Variants in PPP2R2B observed in about 807,000 individuals in gnomAD.
PPP2R2B encodes protein phosphatase 2 regulatory subunit Bbeta, also known as serine/threonine-protein phosphatase 2A 55 kDa regulatory subunit B beta isoform.
A neutral mutation model predicts 46.0 loss-of-function variants in PPP2R2B; 5 were observed. The ratio of observed to expected loss-of-function variants is 0.11; its 90% confidence interval spans 0.06 to 0.23. The LOEUF (loss-of-function observed/expected upper bound fraction) is 0.23. Ranked by LOEUF, PPP2R2B falls within the 10% of genes least tolerant of loss-of-function variation. The pLI is 1.00. For synonymous variants in PPP2R2B, 215 were observed against 206.7 expected, an observed-to-expected ratio of 1.04 and a Z score of -0.34; for missense variants, 367 against 575.0, an observed-to-expected ratio of 0.64 and a Z score of 3.70.
intron 5 of PPP2R2B, among the ~76,000 whole-genome samples, chr5:146,670,638 T>C (rs1344936502): frequency 6.6e-6 from 1 of 152,024 alleles, no homozygotes; most frequent in African/African-American, 2.4e-5. Context: ...TGGGACTACA[T>C]GCATGTGCCA....
intron 5 of PPP2R2B, among the ~76,000 whole-genome samples, chr5:146,680,279 G>A (rs1359500582): frequency 8.1e-5 from 12 of 149,034 alleles, no homozygotes; most frequent in Admixed American, 2.0e-4. Context: ...ATCATTCTCA[G>A]TAAACTATCG....
intron 1 of PPP2R2B, among the ~76,000 whole-genome samples, chr5:147,012,989 T>C (rs1015650331): frequency 2.6e-5 from 4 of 151,720 alleles, no homozygotes; most frequent in Admixed American, 2.6e-4. Flanking sequence ...AAAACCCCAT[T>C]GTCTCAGCCC....
At chr5:146,670,707 G>C (rs984058694) in intron 5 of PPP2R2B, among the ~76,000 whole-genome samples, 7 of 151,886 alleles carry the variant, frequency 4.6e-5, no homozygotes, top group African/African-American at 1.7e-4. Context: ...TGTCAGCCAG[G>C]CTGGTCTCGA....
At chr5:146,734,621 C>T (rs532864713) in intron 2 of PPP2R2B, among the ~76,000 whole-genome samples, 13 of 152,034 alleles carry the variant, frequency 8.6e-5, no homozygotes, top group Non-Finnish European at 1.3e-4. Context: ...TTCCAGACAC[C>T]CCACCCCCTG....
intron 1 of PPP2R2B, among the ~76,000 whole-genome samples, chr5:146,981,505 A>C (rs537486122): frequency 7.8e-4 from 118 of 152,130 alleles, no homozygotes; most frequent in African/African-American, 2.7e-3. Context: ...ATCTCTTGGA[A>C]TTTTTTTGTT....
chr5:146,709,642 T>C (rs1279362519), intron 2 of PPP2R2B, among the ~76,000 whole-genome samples: 2 of 152,220 alleles, frequency 1.3e-5, no homozygotes, highest in Non-Finnish European at 2.9e-5. Context: ...TTGTTTGTAA[T>C]TAAATGTGTT....
At chr5:146,907,668 T>A (rs1163655121) in intron 1 of PPP2R2B, among the ~76,000 whole-genome samples, 3 of 152,248 alleles carry the variant, frequency 2.0e-5, no homozygotes, top group African/African-American at 4.8e-5. Flanking sequence ...TTTTCCATTA[T>A]CCTGTATAAA....
At position 146,698,317 on chromosome 5, in the gene PPP2R2B, A is replaced by AATAT. The variant is rs35533710; in HGVS notation, c.169-177_169-174dup. 2.3e-3 allele frequency among the ~76,000 whole-genome samples: 194 copies of AATAT among 85,604 alleles called. 3 individuals are homozygous for AATAT. Among genetic ancestry groups the AATAT allele is most frequent in the East Asian group, 2.8e-3 (7 of 2,538 alleles). The allele number at this position is 85,604 out of a possible 152,430, so 56.2% of individuals were successfully genotyped here. ...ACCTCTGAAAAAAAAAAAAAAAAAA[A>AATAT]ATATATATATATATATATATATATA... On this transcript the variant is annotated intron_variant, in intron 3 of 9. Transcript: ENST00000394411.
chr5:147,080,184 T>C (rs1757932724), intron 2 of PPP2R2B, among the ~76,000 whole-genome samples: 1 of 152,232 alleles, frequency 6.6e-6, no homozygotes, highest in Non-Finnish European at 1.5e-5. Flanking sequence ...TGCTGCAGAA[T>C]GACCTGAAGT....
At chr5:146,592,290 A>G (rs1298310751) in intron 9 of PPP2R2B, 1 of 234,236 alleles carries the variant, frequency 4.3e-6, no homozygotes, top group African/African-American at 2.4e-5. Flanking sequence ...TGAAAGCTTG[A>G]ATCTCTGAAT....
At chr5:146,870,153 A>C (rs1261811527) in intron 2 of PPP2R2B, among the ~76,000 whole-genome samples, 2 of 152,156 alleles carry the variant, frequency 1.3e-5, no homozygotes, top group Non-Finnish European at 2.9e-5. Flanking sequence ...CTTCAGGTTC[A>C]TTGCTTAGCA....
At chr5:146,838,504 G>C (rs1019180462) in intron 2 of PPP2R2B, among the ~76,000 whole-genome samples, 1 of 150,184 alleles carries the variant, frequency 6.7e-6, no homozygotes, top group African/African-American at 2.5e-5. Context: ...CTGGGAGGCG[G>C]AGATTGCACT....
chr5:146,901,122 A>G (rs999052219), intron 1 of PPP2R2B, among the ~76,000 whole-genome samples: 3 of 152,240 alleles, frequency 2.0e-5, no homozygotes, highest in Admixed American at 6.5e-5. Flanking sequence ...TATTTTACAA[A>G]TTGAGGCACA....
In PPP2R2B at chr5:147,007,445, C is replaced by T. The variant is rs371147648; in HGVS notation, c.79+48220G>A. 2.0e-5 allele frequency among the ~76,000 whole-genome samples: 3 copies of T among 152,284 alleles called. No individual in the cohort carries two copies. In the South Asian group the frequency reaches 6.2e-4, roughly 32 times the overall value. On this transcript the variant is annotated intron_variant, in intron 1 of 8. Transcript: ENST00000336640. ...AAAGGTTTGTAAATGCACCAATCAG[C>T]ACTCTGTAAAATAGACCAATCAGCT...
chr5:146,691,815 T>G (rs1028657867), intron 4 of PPP2R2B, among the ~76,000 whole-genome samples: 2 of 152,196 alleles, frequency 1.3e-5, no homozygotes, highest in Non-Finnish European at 2.9e-5. Flanking sequence ...TTAAGCTCAC[T>G]AAGCCTCGGG....
chr5:146,823,933 T>C (rs971840153), intron 2 of PPP2R2B, among the ~76,000 whole-genome samples: 3 of 152,142 alleles, frequency 2.0e-5, no homozygotes, highest in Non-Finnish European at 4.4e-5. Flanking sequence ...GCAAGTACCA[T>C]CTGAAAGCTT....
At chr5:146,633,096 A>G (rs1774548618) in intron 7 of PPP2R2B, among the ~76,000 whole-genome samples, 2 of 152,218 alleles carry the variant, frequency 1.3e-5, no homozygotes, top group Admixed American at 6.5e-5. Flanking sequence ...TGTTTCAGAC[A>G]TCTAAACTGC....
chr5:146,626,961 G>A (rs756693882), intron 7 of PPP2R2B, among the ~76,000 whole-genome samples: 5 of 152,334 alleles, frequency 3.3e-5, no homozygotes, highest in African/African-American at 9.6e-5. Flanking sequence ...AAATGGAAAT[G>A]AGGATGGAAG....
chr5:146,984,194 A>G (rs1163344579), intron 1 of PPP2R2B, among the ~76,000 whole-genome samples: 6 of 152,034 alleles, frequency 3.9e-5, no homozygotes, highest in Non-Finnish European at 8.8e-5. Context: ...CCACCACCCA[A>G]CTTATTTCTC....
Sources: gnomAD v4.1 joint callset for allele counts (sites outside exome capture counted in the v4.1 genomes callset) on GRCh38, gnomAD v4.1.1 for gene constraint, MANE v1.5 for transcripts, NCBI Gene and HGNC (gene_info 2026-07-23, HGNC 2026-07-21) for gene names.